Variants in RHAG observed in about 807,000 individuals in gnomAD.
RHAG encodes the protein ammonium transporter Rh type A.
Under a neutral mutation model 42.4 loss-of-function variants are expected in RHAG, and 25 were observed. The observed-to-expected ratio is 0.59, with a 90% CI of 0.43 to 0.82. RHAG has a LOEUF of 0.82. Ranked by LOEUF, RHAG falls within the 40% of genes least tolerant of loss-of-function variation. The pLI is 0.00. For synonymous variants in RHAG, 182 were observed against 177.7 expected (o/e 1.02, Z -0.19); for missense variants, 483 against 504.6 (o/e 0.96, Z 0.41).
At chr6:49,623,135 G>A (rs1276757674) in intron 1 of RHAG, among the ~76,000 whole-genome samples, 1 of 152,164 alleles carries the variant, frequency 6.6e-6, no homozygotes, top group African/African-American at 2.4e-5. Flanking sequence ...ACCGCGCCCG[G>A]CCATTGAGAC....
Position 49,615,779 on chromosome 6 carries a change from A to T in RHAG, c.493-8T>A, listed in dbSNP as rs1472588936. On this transcript the variant is annotated splice_polypyrimidine_tract_variant and splice_region_variant and intron_variant, in intron 3 of 9. Coordinates refer to ENST00000371175, the MANE Select transcript of RHAG (RefSeq NM_000324.3). ...TGCTCCAATGTCAGAGGCCTGAGGG[A>T]CAAAATAGCATTCACATAAATAGAG... 16 of 1,613,874 alleles carry T rather than the reference A, an allele frequency of 9.9e-6. No individual in the cohort carries two copies. In the East Asian group the frequency reaches 3.3e-4, roughly 34 times the overall value.
intron 7 of RHAG, among the ~76,000 whole-genome samples, chr6:49,608,915 G>A (rs1374355363): frequency 6.6e-6 from 1 of 151,842 alleles, no homozygotes; most frequent in East Asian, 1.9e-4. Flanking sequence ...AATTTTATAG[G>A]AATTTGCCAA....
At chr6:49,628,289 C>T (rs1436755048) in intron 1 of RHAG, among the ~76,000 whole-genome samples, 1 of 152,074 alleles carries the variant, frequency 6.6e-6, no homozygotes, top group Non-Finnish European at 1.5e-5. Flanking sequence ...TACAGGTGCA[C>T]ACTACCACAC....
At position 49,614,755 on chromosome 6, in the gene RHAG, G is replaced by C. The variant is rs1350040564; in HGVS notation, c.739C>G (p.Leu247Val). Residue 247 changes from leucine to valine, a missense_variant, in exon 5 of 10, where the codon CTC becomes GTC. Leu to Val is a conservative substitution (Grantham distance 32, BLOSUM62 1). Transcript: ENST00000371175. ...AAGGCTGTGAGCACACAGGCAGCGA[G>C]AGAGAAGTACGTGTTTACAATGGCC... ...CRAIVNTYFSLAACVLTAFAF... is the reference protein window; with the variant it reads ...CRAIVNTYFSVAACVLTAFAF... 6.2e-7 allele frequency: 1 copy of C among 1,614,130 alleles called. No homozygotes were observed. The highest frequency in any genetic ancestry group is 1.1e-5 in the South Asian group (1 of 91,080).
At chr6:49,614,525 G>C (rs937482396) in intron 5 of RHAG, among the ~76,000 whole-genome samples, 162 bp downstream of exon 5, 9 of 152,086 alleles carry the variant, frequency 5.9e-5, no homozygotes, top group Admixed American at 3.9e-4. Flanking sequence ...TGATGAATAA[G>C]TGAATTAATG....
intron 1 of RHAG, among the ~76,000 whole-genome samples, chr6:49,622,539 T>G (rs1762778188): frequency 6.6e-6 from 1 of 152,088 alleles, no homozygotes; most frequent in South Asian, 2.1e-4. Flanking sequence ...GGAGTTTCTC[T>G]GCACAAGCTC....
Position 49,605,801 on chromosome 6 carries a change from C to T in RHAG, c.*12G>A. 1 of 1,612,640 alleles carries T rather than the reference C, an allele frequency of 6.2e-7. No individual in the cohort carries two copies. The highest frequency in any genetic ancestry group is 8.5e-7 in the Non-Finnish European group (1 of 1,178,792). On this transcript the variant is annotated 3_prime_UTR_variant, in exon 10 of 10. Transcript: ENST00000371175. Reference sequence around the variant, plus strand: ...GGCTGTGGTCACCATGTCCATGGAACTGATTGTCAAGTTATCTCGTCTTAG... The same window carrying T: ...GGCTGTGGTCACCATGTCCATGGAATTGATTGTCAAGTTATCTCGTCTTAG...
At chr6:49,619,581 G>T (rs1296400510) in intron 1 of RHAG, among the ~76,000 whole-genome samples, 2 of 152,256 alleles carry the variant, frequency 1.3e-5, no homozygotes, top group African/African-American at 2.4e-5. Flanking sequence ...TTTTTATTGG[G>T]AAGACTATGC....
At chr6:49,608,027 G>A (rs960407617) in intron 7 of RHAG, among the ~76,000 whole-genome samples, 2 of 151,838 alleles carry the variant, frequency 1.3e-5, no homozygotes, top group East Asian at 1.9e-4. Flanking sequence ...AACTGCACAA[G>A]TAACATATCA....
chr6:49,610,880 C>A, intron 7 of RHAG, 144 bp downstream of exon 7: 1 of 881,770 alleles, frequency 1.1e-6, no homozygotes, highest in Non-Finnish European at 1.8e-6. Context: ...TTCTAATGAT[C>A]TTCTCTCAGG....
At chr6:49,626,555 TGA>T (rs1180860089) in intron 1 of RHAG, among the ~76,000 whole-genome samples, 2 of 152,162 alleles carry the variant, frequency 1.3e-5, no homozygotes, top group African/African-American at 2.4e-5. Context: ...CAGCTAGAGT[TGA>T]GTGTCTGTGG....
intron 5 of RHAG, among the ~76,000 whole-genome samples, chr6:49,614,443 C>A (rs1468120311): frequency 6.6e-6 from 1 of 151,792 alleles, no homozygotes; most frequent in East Asian, 1.9e-4. Context: ...CTCAGGTAAT[C>A]CCCCTGTCTA....
At position 49,605,358 on chromosome 6, in the gene RHAG, A is replaced by G; in HGVS notation, c.*455T>C. 1 of 187,690 alleles carries G rather than the reference A, an allele frequency of 5.3e-6. No homozygotes were observed. Among genetic ancestry groups the G allele is most frequent in the South Asian group, 1.1e-4 (1 of 9,174 alleles). The allele number at this position is 187,690 out of a possible 1,614,324, so 11.6% of individuals were successfully genotyped here. A position where few individuals can be genotyped will look rare whatever the true frequency, so the allele number is the denominator to read the frequency against. Reference sequence around the variant, plus strand: ...AAAAAGCACTACCTAAAATCATCATATTACTACTTTACACACATGCATTTC... The same window carrying G: ...AAAAAGCACTACCTAAAATCATCATGTTACTACTTTACACACATGCATTTC... On this transcript the variant is annotated 3_prime_UTR_variant, in exon 10 of 10. Transcript: ENST00000371175.
intron 7 of RHAG, among the ~76,000 whole-genome samples, chr6:49,608,912 T>C (rs1463593596): frequency 6.6e-6 from 1 of 152,204 alleles, no homozygotes; most frequent in South Asian, 2.1e-4. Context: ...GTTAATTTTA[T>C]AGGAATTTGC....
At chr6:49,623,256 C>T (rs1007888594) in intron 1 of RHAG, among the ~76,000 whole-genome samples, 1 of 152,148 alleles carries the variant, frequency 6.6e-6, no homozygotes, top group African/African-American at 2.4e-5. Flanking sequence ...TTAAGAACCT[C>T]ATTTATTATT....
At chr6:49,615,111 C>G (rs1190896607) in intron 4 of RHAG, 1 of 417,458 alleles carries the variant, frequency 2.4e-6, no homozygotes, top group Non-Finnish European at 4.4e-6. Context: ...CCATGTCCAC[C>G]TAACTTTTTT....
At chr6:49,632,004 A>G (rs1467992510) in intron 1 of RHAG, 1 of 137,618 alleles carries the variant, frequency 7.3e-6, no homozygotes, top group Non-Finnish European at 1.6e-5. Context: ...GTTCACCTCT[A>G]TCTTCAGTGG....
intron 6 of RHAG, among the ~76,000 whole-genome samples, chr6:49,611,839 T>C (rs1762574568): frequency 6.6e-6 from 1 of 151,972 alleles, no homozygotes; most frequent in East Asian, 1.9e-4. Flanking sequence ...CCTCCCGGGT[T>C]CAAGTGATTC....
At chr6:49,609,823 A>G (rs1254978580) in intron 7 of RHAG, among the ~76,000 whole-genome samples, 8 of 152,232 alleles carry the variant, frequency 5.3e-5, no homozygotes, top group Admixed American at 5.2e-4. Context: ...ACATTTCTAG[A>G]CACACATTTC....
Sources: gnomAD v4.1 joint callset for allele counts (sites outside exome capture counted in the v4.1 genomes callset) on GRCh38, gnomAD v4.1.1 for gene constraint, MANE v1.5 for transcripts, NCBI Gene and HGNC (gene_info 2026-07-23, HGNC 2026-07-21) for gene names.